WDR27: variants seen among roughly 807,000 people sequenced by gnomAD.
The protein encoded by WDR27 is WD repeat-containing protein 27.
In WDR27, 100 loss-of-function variants were observed where a neutral mutation model predicts 114.4. The ratio of observed to expected loss-of-function variants is 0.87; its 90% CI spans 0.74 to 1.03. The LOEUF (loss-of-function observed/expected upper bound fraction) is 1.03. WDR27 is among the 50% of genes least tolerant of loss of function. The pLI is 0.00. For synonymous variants in WDR27, 449 were observed against 423.1 expected, an observed-to-expected ratio of 1.06 and a Z score of -0.75; for missense variants, 1,129 against 1,092.9, an observed-to-expected ratio of 1.03 and a Z score of -0.47.
chr6:169,673,048 A>G (rs1251721328), intron 2 of WDR27, among the ~76,000 whole-genome samples: 1 of 152,188 alleles, frequency 6.6e-6, no homozygotes, highest in East Asian at 1.9e-4. Context: ...GGGAAATCCA[A>G]TAAAGACCTG....
chr6:169,649,734 TC>T (rs1281883175), intron 14 of WDR27, among the ~76,000 whole-genome samples: 3 of 151,632 alleles, frequency 2.0e-5, no homozygotes, highest in African/African-American at 7.3e-5. Context: ...CATTCACTCA[TC>T]CCTCCACCCC....
At chr6:169,488,327 C>A (rs1345987221) in intron 25 of WDR27, among the ~76,000 whole-genome samples, 1 of 152,182 alleles carries the variant, frequency 6.6e-6, no homozygotes, top group African/African-American at 2.4e-5. Context: ...GTGGAAGAGG[C>A]AAAAGGTCTG....
At chr6:169,501,184 C>G (rs1307693419) in intron 25 of WDR27, among the ~76,000 whole-genome samples, 5 of 152,224 alleles carry the variant, frequency 3.3e-5, no homozygotes, top group African/African-American at 1.2e-4. Context: ...GCTGAAATCA[C>G]TGCAAGTTTC....
chr6:169,429,270 C>A, the WDR27 span, among the ~76,000 whole-genome samples: 1 of 152,190 alleles, frequency 6.6e-6, no homozygotes, highest in African/African-American at 2.4e-5. Context: ...GCTTTACTTG[C>A]TGACACAAGC....
At chr6:169,654,404 A>G (rs1415545296) in intron 13 of WDR27, among the ~76,000 whole-genome samples, 2 of 152,270 alleles carry the variant, frequency 1.3e-5, no homozygotes, top group African/African-American at 4.8e-5. Context: ...GTACAAAATA[A>G]TAGCGAAGAG....
At position 169,634,302 on chromosome 6, in the gene WDR27, G is replaced by C. The variant is rs1584759582; in HGVS notation, c.2101+126C>G. The C allele has an allele frequency of 3.7e-5, 23 of 622,544 alleles. No homozygotes were observed. In the East Asian group the frequency reaches 6.8e-4, roughly 18 times the overall value. The allele number at this position is 622,544 out of a possible 1,614,324, so 38.6% of individuals were successfully genotyped here. ...AACACAAGGATGGCGAGCTCCATGA[G>C]AAGGGTCCCTGCATTCCCGGAGCCC... On this transcript the variant is annotated intron_variant, in intron 20 of 25. Coordinates refer to ENST00000448612, the MANE Select transcript of WDR27 (RefSeq NM_182552.5).
chr6:169,462,133 CAA>C (rs113017864), intron 25 of WDR27, among the ~76,000 whole-genome samples: 1 of 140,188 alleles, frequency 7.1e-6, no homozygotes. Context: ...AATCAGTAAC[CAA>C]AAAAAAAAAA....
At chr6:169,454,852 C>A (rs550653693), downstream of WDR27, among the ~76,000 whole-genome samples, 223 of 152,342 alleles carry the variant, frequency 1.5e-3, no homozygotes, top group African/African-American at 5.2e-3. Flanking sequence ...CATGGCTGGG[C>A]TGCCAGGGCT....
intron 16 of WDR27, among the ~76,000 whole-genome samples, chr6:169,644,346 G>A (rs886185182): frequency 1.3e-5 from 2 of 151,694 alleles, no homozygotes; most frequent in Non-Finnish European, 2.9e-5. Context: ...TCACACTGTA[G>A]AAAAGCCTAG....
At chr6:169,677,090 G>T (rs558439297) in intron 2 of WDR27, among the ~76,000 whole-genome samples, 93 of 152,218 alleles carry the variant, frequency 6.1e-4, no homozygotes, top group Non-Finnish European at 1.1e-3. Flanking sequence ...CGTGGAAGTG[G>T]CTTTGGACCT....
intron 25 of WDR27, among the ~76,000 whole-genome samples, chr6:169,521,120 G>T (rs73789996): frequency 0.016 from 2,460 of 152,126 alleles, 63 homozygotes; most frequent in African/African-American, 0.057. Context: ...CAAGGAAAGA[G>T]AGATAATCCT....
intron 25 of WDR27, among the ~76,000 whole-genome samples, chr6:169,522,756 AT>A (rs1794532035): frequency 6.6e-6 from 1 of 152,030 alleles, no homozygotes. Context: ...AAATTTAAAA[AT>A]ATCTTAAAAA....
At chr6:169,530,115 G>A (rs1795414729) in intron 25 of WDR27, among the ~76,000 whole-genome samples, 1 of 152,234 alleles carries the variant, frequency 6.6e-6, no homozygotes, top group East Asian at 1.9e-4. Flanking sequence ...AGTGTTTGCA[G>A]AGCCGAAAGC....
intron 6 of WDR27, among the ~76,000 whole-genome samples, chr6:169,665,866 A>T (rs1170049668): frequency 6.6e-6 from 1 of 152,202 alleles, no homozygotes; most frequent in Non-Finnish European, 1.5e-5. Flanking sequence ...GTGGGCTTAA[A>T]CCACGGCCCA....
intron 6 of WDR27, among the ~76,000 whole-genome samples, chr6:169,665,980 T>C (rs1474439524): frequency 6.6e-6 from 1 of 152,220 alleles, no homozygotes; most frequent in Non-Finnish European, 1.5e-5. Context: ...AATAAAATTA[T>C]GGACTTAGTG....
At chr6:169,543,750 T>C (rs1212773026) in intron 25 of WDR27, among the ~76,000 whole-genome samples, 1 of 152,178 alleles carries the variant, frequency 6.6e-6, no homozygotes, top group Non-Finnish European at 1.5e-5. Flanking sequence ...CAAAACATGA[T>C]GAGTATATAT....
chr6:169,441,387 T>G, the WDR27 span, among the ~76,000 whole-genome samples: 1 of 152,168 alleles, frequency 6.6e-6, no homozygotes, highest in Non-Finnish European at 1.5e-5. Context: ...GAATTAATGA[T>G]GTGAACTGAA....
intron 25 of WDR27, among the ~76,000 whole-genome samples, chr6:169,476,828 C>T (rs1787247344): frequency 6.6e-6 from 1 of 152,118 alleles, no homozygotes; most frequent in Admixed American, 6.5e-5. Flanking sequence ...GTTATAATAG[C>T]ATAATAATTC....
At position 169,660,727 on chromosome 6, in the gene WDR27, G is replaced by A; in HGVS notation, c.1065C>T (p.Ser355=). ...SENTRCVWIG[S]SVGLFVFNLA... ...GGTTAAATACGAATAAGCCCACTGA[G>A]CTTCCGATCCACACACATCGGGTGT... The change falls in exon 10 of 26, where the codon AGC becomes AGT. Residue 355 remains serine, a synonymous_variant. Transcript: ENST00000448612. 1 of 1,613,626 alleles carries A rather than the reference G, an allele frequency of 6.2e-7. No homozygotes were observed. The highest frequency in any genetic ancestry group is 8.5e-7 in the Non-Finnish European group (1 of 1,179,810).
Sources: gnomAD v4.1 joint callset for allele counts (sites outside exome capture counted in the v4.1 genomes callset) on GRCh38, gnomAD v4.1.1 for gene constraint, MANE v1.5 for transcripts, NCBI Gene and HGNC (gene_info 2026-07-23, HGNC 2026-07-21) for gene names.